The following RYR1 variants were observed in gnomAD, a reference collection of about 807,000 sequenced individuals.
RYR1 encodes central core disease of muscle.
A neutral mutation model predicts 583.5 loss-of-function variants in RYR1; 342 were observed. That is an observed-to-expected ratio of 0.59 (90% CI 0.54 to 0.64). The LOEUF is 0.64. RYR1 is among the 30% of genes least tolerant of loss of function. RYR1 has a pLI of 0.00. For missense variants in RYR1, 6,032 were observed against 6,917.2 expected (o/e 0.87, Z 4.54); for synonymous variants, 2,791 against 2,822.5 (o/e 0.99, Z 0.35).
rs375893217 is a variant in RYR1 at position 38,528,565 on chromosome 19, C to T, written c.10938-34C>T. 6.8e-6 allele frequency: 11 copies of T among 1,607,398 alleles called. No individual in the cohort carries two copies. The East Asian group carries it at 8.9e-5, about 13-fold the overall frequency. On this transcript the variant is annotated intron_variant, in intron 74 of 105. Coordinates refer to ENST00000359596, the MANE Select transcript of RYR1 (RefSeq NM_000540.3). Reference sequence around the variant, plus strand: ...GGAGGTCGGGAAGCACGGAGGAGGGCGCGTCCCAGTGACGTCACACCTCTC... The same window carrying T: ...GGAGGTCGGGAAGCACGGAGGAGGGTGCGTCCCAGTGACGTCACACCTCTC...
chr19:38,510,952 G>T (rs1970700082), intron 60 of RYR1, among the ~76,000 whole-genome samples, 171 bp downstream of exon 60: 1 of 152,146 alleles, frequency 6.6e-6, no homozygotes, highest in Non-Finnish European at 1.5e-5. Context: ...GGTTTCCCAG[G>T]ATGTGGGACT....
chr19:38,559,438 T>G, intron 89 of RYR1, among the ~76,000 whole-genome samples: 1 of 151,976 alleles, frequency 6.6e-6, no homozygotes, highest in Non-Finnish European at 1.5e-5. Flanking sequence ...TTCACCATGT[T>G]GTCCAGGCTG....
intron 27 of RYR1, 21 bp downstream of exon 27, chr19:38,469,534 T>C (rs976485704): frequency 8.7e-6 from 14 of 1,606,962 alleles, no homozygotes; most frequent in African/African-American, 1.3e-5. Context: ...AGCCCCTCAA[T>C]GCCTTCTCAT....
chr19:38,577,294 A>AGC (rs1369941444), intron 97 of RYR1, among the ~76,000 whole-genome samples: 1 of 152,178 alleles, frequency 6.6e-6, no homozygotes, highest in African/African-American at 2.4e-5. Flanking sequence ...GTACTACATG[A>AGC]GCAGTATCTG....
Position 38,452,971 on chromosome 19 carries a change from A to G in RYR1, c.1397A>G (p.Lys466Arg). ...TTGCAGCACGAGGAGAAGCAGAGCA[A>G]GCTGCGAAGCCTGCGCAACCGCCAG... ...EDLQHEEKQS[K>R]LRSLRNRQSL... Residue 466 changes from lysine (K) to arginine (R), a missense_variant, in exon 13 of 106, where the codon AAG becomes AGG. By Grantham distance (26) the Lys-to-Arg change is conservative. Around this residue, in one of 11 missense-constraint regions of RYR1, gnomAD observed 2,627 missense variants for 2,961.3 expected, o/e 0.89. Coordinates refer to ENST00000359596, the MANE Select transcript of RYR1 (RefSeq NM_000540.3). The G allele has an allele frequency of 6.2e-7, 1 of 1,613,952 alleles. No homozygotes were observed. Among genetic ancestry groups the G allele is most frequent in the Non-Finnish European group, 8.5e-7 (1 of 1,179,860 alleles).
chr19:38,565,378 G>C lies in RYR1; in HGVS notation c.13044G>C (p.Ala4348=), dbSNP rs794727985. 6 of 1,341,766 alleles carry C rather than the reference G, an allele frequency of 4.5e-6. No homozygotes were observed. Among genetic ancestry groups the C allele is most frequent in the Non-Finnish European group, 5.7e-6 (6 of 1,056,348 alleles). The allele number at this position is 1,341,766 out of a possible 1,614,324, so 83.1% of individuals were successfully genotyped here. A position where few individuals can be genotyped will look rare whatever the true frequency, so the allele number is the denominator to read the frequency against. Reference sequence around the variant, plus strand: ...TGACGCGCGCTGGGGCCGCTGGCGCGGGGGCGGCGGCGGGCGCGCTGGGCC... The same window carrying C: ...TGACGCGCGCTGGGGCCGCTGGCGCCGGGGCGGCGGCGGGCGCGCTGGGCC... The part of the protein sequence containing the change: ...AAVTRAGAAG[A]GAAAGALGLL... The change falls in exon 91 of 106, where the codon GCG becomes GCC. Residue 4348 remains alanine (A), a synonymous_variant. Transcript: ENST00000359596. This position sits in a 1 kb window ranked among gnomAD's most constrained non-coding sequence, Gnocchi z 4.7.
chr19:38,586,379 G>T, intron 104 of RYR1, 146 bp from the exon 105 acceptor site: 1 of 1,073,572 alleles, frequency 9.3e-7, no homozygotes, highest in South Asian at 1.3e-5. Context: ...CCAGCACTTT[G>T]GGAGGCCAAG....
intron 11 of RYR1, 115 bp from the exon 12 acceptor site, chr19:38,451,649 A>C (rs1182794241): frequency 2.4e-6 from 3 of 1,239,422 alleles, no homozygotes; most frequent in African/African-American, 1.5e-5. Context: ...TTGCAGTGAG[A>C]TTCTGCAGAG....
At position 38,473,556 on chromosome 19, in the gene RYR1, G is replaced by GC. The variant is rs772166066; in HGVS notation, c.3951dup (p.Ala1318ArgfsTer13). On this transcript the variant is annotated frameshift_variant, in exon 28 of 106. Coordinates refer to ENST00000359596, the MANE Select transcript of RYR1 (RefSeq NM_000540.3). LOFTEE classifies it high-confidence loss of function. Reference sequence around the variant, plus strand: ...CCCCGCTGGCACCTCCTGGCCTGCAGCCCCCCGCCGAGGACGAGGCCCGGG... The same window carrying GC: ...CCCCGCTGGCACCTCCTGGCCTGCAGCCCCCCCGCCGAGGACGAGGCCCGGG... The GC allele has an allele frequency of 2.5e-6, 4 of 1,590,636 alleles. No individual in the cohort carries two copies. Among genetic ancestry groups the GC allele is most frequent in the African/African-American group, 2.7e-5 (2 of 74,402 alleles).
chr19:38,480,325 G>C (rs1600752074), intron 31 of RYR1, among the ~76,000 whole-genome samples: 1 of 151,502 alleles, frequency 6.6e-6, no homozygotes, highest in East Asian at 2.0e-4. Context: ...TTTAGTTTTA[G>C]TGGAGACAGG....
chr19:38,479,278 A>C (rs368399899), intron 31 of RYR1, among the ~76,000 whole-genome samples: 60 of 152,364 alleles, frequency 3.9e-4, no homozygotes, highest in African/African-American at 1.4e-3. Flanking sequence ...CACCACCTGG[A>C]ATCTACTATC....
In RYR1 at chr19:38,537,936, T is replaced by C; in HGVS notation, c.11665T>C (p.Leu3889=). 1 of 1,613,830 alleles carries C rather than the reference T, an allele frequency of 6.2e-7. No individual in the cohort carries two copies. Among genetic ancestry groups the C allele is most frequent in the Non-Finnish European group, 8.5e-7 (1 of 1,179,874 alleles). ...ACAAGACCTGTTCCGATTCCTACAA[T>C]TGCTCTGTGAGGGGCACAATAATGG... ...FTQDLFRFLQ[L]LCEGHNNDFQ... is the part of the protein sequence containing the mutation. The change falls in exon 84 of 106, where the codon TTG becomes CTG. Residue 3889 remains leucine, a synonymous_variant. Coordinates refer to ENST00000359596, the MANE Select transcript of RYR1 (RefSeq NM_000540.3).
In RYR1 at chr19:38,499,671, G is replaced by C; in HGVS notation, c.7064G>C (p.Arg2355Pro). The change falls in exon 44 of 106, where the codon CGG becomes CCG. Residue 2355 changes from arginine to proline, a missense_variant. Transcript: ENST00000359596. The surrounding 1 kb of genome is among the most constrained non-coding windows in gnomAD (Gnocchi z 7.3). ...GAGGAGAACGCCAATGTGGTGGTGCGGCTGCTCATCCGGAAGCCTGAGTGC... is the reference window on the plus strand; with the variant it reads ...GAGGAGAACGCCAATGTGGTGGTGCCGCTGCTCATCCGGAAGCCTGAGTGC... ...SVEENANVVV[R>P]LLIRKPECFG... 1.3e-6 allele frequency: 2 copies of C among 1,599,596 alleles called. No homozygotes were observed. The highest frequency in any genetic ancestry group is 1.7e-6 in the Non-Finnish European group (2 of 1,179,876).
Position 38,561,350 on chromosome 19 carries a change from C to T in RYR1, c.12520C>T (p.Arg4174Cys), listed in dbSNP as rs1299960881. The change falls in exon 90 of 106, where the codon CGC becomes TGC. Residue 4174 changes from arginine to cysteine, a missense_variant. Physicochemically the swap from Arg to Cys is radical, Grantham distance 180. This residue lies in a region of RYR1 where 753 missense variants were observed against 759.6 expected (regional missense o/e 0.99). Coordinates refer to ENST00000359596, the MANE Select transcript of RYR1 (RefSeq NM_000540.3). This position sits in a 1 kb window ranked among gnomAD's most constrained non-coding sequence, Gnocchi z 4.8. The stretch of plus-strand genomic sequence containing the variant: ...GGCCGAGAGCATCCTTGAGTACTTC[C>T]GCCCCTACCTGGGCCGCATCGAGAT... ...ELAESILEYF[R>C]PYLGRIEIMG... The T allele has an allele frequency of 1.2e-6, 2 of 1,613,960 alleles. No individual in the cohort carries two copies. Among genetic ancestry groups the T allele is most frequent in the Admixed American group, 1.7e-5 (1 of 60,020 alleles).
Position 38,565,856 on chromosome 19 carries a change from C to T in RYR1, c.13437+85C>T, listed in dbSNP as rs1432887887. 4.5e-6 allele frequency: 6 copies of T among 1,323,958 alleles called. No homozygotes were observed. Among genetic ancestry groups the T allele is most frequent in the Admixed American group, 8.0e-5 (2 of 25,138 alleles). The allele number at this position is 1,323,958 out of a possible 1,614,324, so 82.0% of individuals were successfully genotyped here. On this transcript the variant is annotated intron_variant, in intron 91 of 105. Coordinates refer to ENST00000359596, the MANE Select transcript of RYR1 (RefSeq NM_000540.3). This position sits in a 1 kb window ranked among gnomAD's most constrained non-coding sequence, Gnocchi z 4.7. ...GAGCCCGGCTGGGTGGAGACACACACAGAGGAGAGAACTGGCTAGGGGGAT... is the reference window on the plus strand; with the variant it reads ...GAGCCCGGCTGGGTGGAGACACACATAGAGGAGAGAACTGGCTAGGGGGAT...
At position 38,489,278 on chromosome 19, in the gene RYR1, G is replaced by T; in HGVS notation, c.5649G>T (p.Glu1883Asp). Residue 1883 changes from glutamate to aspartate, a missense_variant, in exon 35 of 106, where the codon GAG becomes GAT. This residue lies in a region of RYR1 where 2,627 missense variants were observed against 2,961.3 expected (regional missense o/e 0.89). Coordinates refer to ENST00000359596, the MANE Select transcript of RYR1 (RefSeq NM_000540.3). ...EEEEEEDEEE[E>D]GEEEDEEEKE... ...AAGAGGAGGAGGACGAGGAGGAAGAGGGTGAAGAGGAAGATGAGGAGGAGA... is the reference window on the plus strand; with the variant it reads ...AAGAGGAGGAGGACGAGGAGGAAGATGGTGAAGAGGAAGATGAGGAGGAGA... 6.2e-7 allele frequency: 1 copy of T among 1,607,910 alleles called. No homozygotes were observed. Among genetic ancestry groups the T allele is most frequent in the Non-Finnish European group, 8.5e-7 (1 of 1,174,576 alleles).
At chr19:38,437,153 C>T (rs750752544) in intron 1 of RYR1, among the ~76,000 whole-genome samples, 6 of 151,812 alleles carry the variant, frequency 4.0e-5, no homozygotes, top group East Asian at 3.9e-4. Flanking sequence ...TGGGTTCAAG[C>T]GATTCTCCTG....
intron 88 of RYR1, among the ~76,000 whole-genome samples, chr19:38,547,241 C>CG (rs1972473596): frequency 6.9e-6 from 1 of 144,816 alleles, no homozygotes; most frequent in Non-Finnish European, 1.5e-5. Context: ...TTAGTAGAGA[C>CG]GGGGTTTCAC....
At position 38,489,279 on chromosome 19, in the gene RYR1, G is replaced by A. The variant is rs776093828; in HGVS notation, c.5650G>A (p.Gly1884Ser). 2.5e-6 allele frequency: 4 copies of A among 1,608,018 alleles called. No individual in the cohort carries two copies. Among genetic ancestry groups the A allele is most frequent in the Non-Finnish European group, 3.4e-6 (4 of 1,174,698 alleles). ...EEEEEDEEEE[G>S]EEEDEEEKEE... The stretch of plus-strand genomic sequence containing the variant: ...AGAGGAGGAGGACGAGGAGGAAGAG[G>A]GTGAAGAGGAAGATGAGGAGGAGAA... Residue 1884 changes from glycine (G) to serine (S), a missense_variant, in exon 35 of 106, where the codon GGT becomes AGT. Around this residue, in one of 11 missense-constraint regions of RYR1, gnomAD observed 2,627 missense variants for 2,961.3 expected, o/e 0.89. Coordinates refer to ENST00000359596, the MANE Select transcript of RYR1 (RefSeq NM_000540.3).
Sources: gnomAD v4.1 joint callset for allele counts (sites outside exome capture counted in the v4.1 genomes callset) on GRCh38, gnomAD v4.1.1 for gene constraint, gnomAD v4.1.1 regional missense constraint, Gnocchi (gnomAD v3.1) non-coding constraint, MANE v1.5 for transcripts, NCBI Gene and HGNC (gene_info 2026-07-23, HGNC 2026-07-21) for gene names.